SPTB: variants seen among roughly 807,000 people sequenced by gnomAD.
SPTB encodes spectrin beta, erythrocytic, also known as spectrin beta chain, erythrocytic.
In SPTB, 45 loss-of-function variants were observed where a neutral mutation model predicts 256.2. The ratio of observed to expected loss-of-function variants is 0.18; its 90% CI spans 0.14 to 0.23. The LOEUF is 0.23. Among genes scored for constraint, SPTB ranks in the 10% least tolerant of loss-of-function variants. SPTB has a pLI of 1.00. For missense variants in SPTB, 2,715 were observed against 3,040.4 expected, an observed-to-expected ratio of 0.89 and a Z score of 2.52; for synonymous variants, 1,231 against 1,243.1, an observed-to-expected ratio of 0.99 and a Z score of 0.21.
At chr14:64,846,593 A>G (rs1273236574) in intron 1 of SPTB, among the ~76,000 whole-genome samples, 3 of 152,266 alleles carry the variant, frequency 2.0e-5, no homozygotes, top group African/African-American at 2.4e-5. Flanking sequence ...GAGCACCTGC[A>G]GGACTCATGG....
chr14:64,752,447 G>T, intron 33 of SPTB: 1 of 388,728 alleles, frequency 2.6e-6, no homozygotes, highest in Non-Finnish European at 4.8e-6. Flanking sequence ...CTGACTCCGC[G>T]CTCAGGGATC....
chr14:64,845,103 C>T lies in SPTB; in HGVS notation c.-51-21958G>A, dbSNP rs2083668365. Among the ~76,000 whole-genome samples, 6 of 152,176 alleles carry T rather than the reference C, an allele frequency of 3.9e-5. No individual in the cohort carries two copies. Among genetic ancestry groups the T allele is most frequent in the Admixed American group, 3.9e-4 (6 of 15,276 alleles). Reference sequence around the variant, plus strand: ...AATCCATAACCAAACCAGGCTAGACCGGCTATACAGAATCAGCTCCTCCTA... The same window carrying T: ...AATCCATAACCAAACCAGGCTAGACTGGCTATACAGAATCAGCTCCTCCTA... On this transcript the variant is annotated intron_variant, in intron 1 of 35. Coordinates refer to ENST00000644917, the MANE Select transcript of SPTB (RefSeq NM_001355436.2). The surrounding 1 kb of genome is among the most constrained non-coding windows in gnomAD (Gnocchi z 4.8).
chr14:64,862,966 C>G (rs368745547), intron 1 of SPTB, among the ~76,000 whole-genome samples: 1 of 152,130 alleles, frequency 6.6e-6, no homozygotes, highest in East Asian at 1.9e-4. Context: ...AAAATACTGA[C>G]GCTGGATCCT....
At chr14:64,774,572 G>T in intron 23 of SPTB, 45 bp from the exon 24 acceptor site, 3 of 1,550,878 alleles carry the variant, frequency 1.9e-6, no homozygotes, top group Non-Finnish European at 2.6e-6. Flanking sequence ...GTCTGGCCAT[G>T]ATCCCTCCCT....
chr14:64,800,950 C>T (rs1215448172), intron 7 of SPTB, 82 bp from the exon 8 acceptor site: 19 of 1,093,156 alleles, frequency 1.7e-5, no homozygotes, highest in Non-Finnish European at 2.6e-5. Flanking sequence ...CCCATTCCTC[C>T]AGCATCAAGT....
At chr14:64,791,904 C>G in intron 14 of SPTB, 48 bp from the exon 15 acceptor site, 1 of 1,612,132 alleles carries the variant, frequency 6.2e-7, no homozygotes, top group Non-Finnish European at 8.5e-7. Flanking sequence ...CGGCAGCAGA[C>G]ATTTCCTTGC....
intron 12 of SPTB, 63 bp from the exon 13 acceptor site, chr14:64,794,680 G>C (rs553128735): frequency 1.9e-6 from 3 of 1,603,762 alleles, no homozygotes; most frequent in South Asian, 1.1e-5. Context: ...ATTAGGAGAA[G>C]AGACCCCTGC....
Position 64,801,303 on chromosome 14 carries a change from G to A in SPTB, c.745C>T (p.Pro249Ser). 2 of 1,613,980 alleles carry A rather than the reference G, an allele frequency of 1.2e-6. No individual in the cohort carries two copies. Among genetic ancestry groups the A allele is most frequent in the South Asian group, 1.1e-5 (1 of 91,082 alleles). ...NVAERQLGII[P>S]LLDPEDVFTE... ...GGCTCACCTTCGGGGTCGAGGAGCG[G>A]GATGATGCCCAGCTGGCGCTCAGCC... is the stretch of plus-strand genomic sequence containing the variant. Residue 249 changes from proline (P) to serine (S), a missense_variant, in exon 7 of 36, where the codon CCG (proline) becomes TCG (serine). Pro to Ser is a moderately conservative substitution (Grantham distance 74, BLOSUM62 -1). Coordinates refer to ENST00000644917, the MANE Select transcript of SPTB (RefSeq NM_001355436.2).
rs1047991894 is a variant in SPTB, at chr14:64,786,734, G to A, written c.3231C>T (p.Leu1077=). Residue 1077 remains leucine (L), a synonymous_variant, in exon 16 of 36, where the codon CTC becomes CTT. Transcript: ENST00000644917. This position sits in a 1 kb window ranked among gnomAD's most constrained non-coding sequence, Gnocchi z 5.6. ...LQDLDDFQAW[L]SITQKAVASE... ...AGGCCACAGCCTTCTGGGTGATGGA[G>A]AGCCAGGCCTGGAAGTCATCCAGAT... 1.2e-6 allele frequency: 2 copies of A among 1,614,010 alleles called. No individual in the cohort carries two copies. Among genetic ancestry groups the A allele is most frequent in the Non-Finnish European group, 1.7e-6 (2 of 1,180,028 alleles).
chr14:64,767,242 G>A, intron 31 of SPTB, 61 bp downstream of exon 31: 1 of 1,603,778 alleles, frequency 6.2e-7, no homozygotes, highest in Non-Finnish European at 8.5e-7. Context: ...TCTGATGAAA[G>A]GCACCCCCTA....
At position 64,823,453 on chromosome 14, in the gene SPTB, G is replaced by A. The variant is rs1419327483; in HGVS notation, c.-51-308C>T. Among the ~76,000 whole-genome samples, 2 of 152,194 alleles carry A rather than the reference G, an allele frequency of 1.3e-5. No individual in the cohort carries two copies. The highest frequency in any genetic ancestry group is 2.1e-4 in the South Asian group (1 of 4,832). ...CTTCCTCCAGACCAGCCGCCCCGCC[G>A]CGGGGAGCACCCCGGGAGAGAGGAA... is the stretch of plus-strand genomic sequence containing the variant. On this transcript the variant is annotated intron_variant, in intron 1 of 35. Coordinates refer to ENST00000644917, the MANE Select transcript of SPTB (RefSeq NM_001355436.2). This position sits in a 1 kb window ranked among gnomAD's most constrained non-coding sequence, Gnocchi z 6.5.
intron 33 of SPTB, among the ~76,000 whole-genome samples, chr14:64,752,874 A>G (rs752200136): frequency 9.2e-5 from 14 of 152,110 alleles, no homozygotes; most frequent in Non-Finnish European, 1.6e-4. Context: ...GCTGCTAGAA[A>G]GAGGAGGCCC....
intron 32 of SPTB, chr14:64,755,183 C>T (rs2082003470): frequency 6.6e-6 from 1 of 152,288 alleles, no homozygotes; most frequent in African/African-American, 2.4e-5. Context: ...AGACCATGTT[C>T]TCCTCCCTGG....
In SPTB at chr14:64,806,939, C is replaced by T. The variant is rs893717291; in HGVS notation, c.149-1849G>A. Among the ~76,000 whole-genome samples the T allele has an allele frequency of 6.6e-6, 1 of 152,208 alleles. No individual in the cohort carries two copies. Among genetic ancestry groups the T allele is most frequent in the African/African-American group, 2.4e-5 (1 of 41,438 alleles). ...TATTCTGGGCCTCTGTGCAAAGTTT[C>T]AGCGAGAAAACTCCCCTTACCCTTT... On this transcript the variant is annotated intron_variant, in intron 2 of 35. Coordinates refer to ENST00000644917, the MANE Select transcript of SPTB (RefSeq NM_001355436.2). This position sits in a 1 kb window ranked among gnomAD's most constrained non-coding sequence, Gnocchi z 4.1.
chr14:64,815,929 G>A (rs1025651142), intron 2 of SPTB, among the ~76,000 whole-genome samples: 2 of 152,156 alleles, frequency 1.3e-5, no homozygotes, highest in Admixed American at 6.5e-5. Context: ...TAACGATAGC[G>A]GCAGGATGAC....
chr14:64,811,870 T>C (rs2083096031), intron 2 of SPTB, among the ~76,000 whole-genome samples: 2 of 152,192 alleles, frequency 1.3e-5, no homozygotes, highest in South Asian at 4.1e-4. Flanking sequence ...CATTCATGTA[T>C]TGCTGGAAAG....
intron 1 of SPTB, among the ~76,000 whole-genome samples, chr14:64,862,081 C>G (rs558848977): frequency 3.3e-5 from 5 of 152,356 alleles, no homozygotes; most frequent in Non-Finnish European, 5.9e-5. Context: ...CCCAGCCCCT[C>G]CTGGGCTCAA....
chr14:64,793,441 T>A lies in SPTB; in HGVS notation c.2222A>T (p.Asp741Val). The stretch of plus-strand genomic sequence containing the variant: ...CTGGAACTGGAAAAAGTTCTCAGCA[T>A]CCTGGAGGTTCTTCTTGCAGAAGGC... The part of the protein sequence containing the change: ...LAAFCKKNLQ[D>V]AENFFQFQGD... The change falls in exon 14 of 36, where the codon GAT becomes GTT. Residue 741 changes from aspartate to valine, a missense_variant. Asp to Val is a radical substitution (Grantham distance 152, BLOSUM62 -3). Around this residue, in one of 4 missense-constraint regions of SPTB, gnomAD observed 2,239 missense variants for 2,384.4 expected, o/e 0.94. Coordinates refer to ENST00000644917, the MANE Select transcript of SPTB (RefSeq NM_001355436.2). This position sits in a 1 kb window ranked among gnomAD's most constrained non-coding sequence, Gnocchi z 7.0. The A allele has an allele frequency of 6.2e-7, 1 of 1,614,060 alleles. No homozygotes were observed. The highest frequency in any genetic ancestry group is 8.5e-7 in the Non-Finnish European group (1 of 1,180,044).
rs746554199 is a variant in SPTB, at chr14:64,795,294, G to A, written c.1644+43C>T. 11 of 1,600,912 alleles carry A rather than the reference G, an allele frequency of 6.9e-6. No individual in the cohort carries two copies. The Admixed American group carries it at 1.8e-4, about 27-fold the overall frequency. ...AACTGCAGGGCCACTGAGACCCAAG[G>A]TGAGCACTGCAGGGCATGGCGGGGG... On this transcript the variant is annotated intron_variant, in intron 12 of 35. Transcript: ENST00000644917. The surrounding 1 kb of genome is among the most constrained non-coding windows in gnomAD (Gnocchi z 6.5).
Sources: gnomAD v4.1 joint callset for allele counts (sites outside exome capture counted in the v4.1 genomes callset) on GRCh38, gnomAD v4.1.1 for gene constraint, gnomAD v4.1.1 regional missense constraint, Gnocchi (gnomAD v3.1) non-coding constraint, MANE v1.5 for transcripts, NCBI Gene and HGNC (gene_info 2026-07-23, HGNC 2026-07-21) for gene names.